DPY19L4: variants seen among roughly 807,000 people sequenced by gnomAD.
DPY19L4 encodes the protein probable C-mannosyltransferase DPY19L4.
In DPY19L4, 97 loss-of-function variants were observed where a neutral mutation model predicts 102.8. The observed-to-expected ratio is 0.94, with a 90% CI of 0.80 to 1.12. The LOEUF (loss-of-function observed/expected upper bound fraction) is 1.12. DPY19L4 is among the 50% of genes most tolerant of loss of function. The pLI, the probability that DPY19L4 is intolerant of heterozygous loss-of-function variation, is 0.00. For synonymous variants in DPY19L4, 252 were observed against 283.1 expected, an observed-to-expected ratio of 0.89 and a Z score of 1.10; for missense variants, 815 against 850.4, an observed-to-expected ratio of 0.96 and a Z score of 0.52.
intron 2 of DPY19L4, among the ~76,000 whole-genome samples, chr8:94,729,479 G>C (rs1210288749): frequency 6.7e-6 from 1 of 150,010 alleles, no homozygotes; most frequent in African/African-American, 2.5e-5. Context: ...TGCCCCTGTA[G>C]TCCCAGCTAC....
Position 94,791,033 on chromosome 8 carries a change from A to C in DPY19L4, c.*1123A>C, listed in dbSNP as rs2130957769. On this transcript the variant is annotated 3_prime_UTR_variant, in exon 19 of 19. Transcript: ENST00000414645. ...CATTTATTAAGAGAAAATTGTGAAA[A>C]GTTAATTTGGCCTTATAGAGAGATT... The C allele has an allele frequency of 6.6e-6, 1 of 152,256 alleles. No individual in the cohort carries two copies. The highest frequency in any genetic ancestry group is 1.9e-4 in the East Asian group (1 of 5,188). The allele number at this position is 152,256 out of a possible 1,614,324, so 9.4% of individuals were successfully genotyped here.
chr8:94,750,786 T>C (rs894982187), intron 6 of DPY19L4, among the ~76,000 whole-genome samples: 1 of 135,686 alleles, frequency 7.4e-6, no homozygotes, highest in East Asian at 2.0e-4. Flanking sequence ...CAAAATTTCC[T>C]TTTTTTTTTT....
At chr8:94,778,435 G>A (rs1813282407) in intron 14 of DPY19L4, among the ~76,000 whole-genome samples, 1 of 152,032 alleles carries the variant, frequency 6.6e-6, no homozygotes, top group Admixed American at 6.6e-5. Context: ...ATGTGCTTGG[G>A]ATACAAAGAT....
At chr8:94,734,144 C>T (rs1426578975) in intron 2 of DPY19L4, among the ~76,000 whole-genome samples, 2 of 150,774 alleles carry the variant, frequency 1.3e-5, no homozygotes, top group Non-Finnish European at 2.9e-5. Context: ...ACTGCAACCT[C>T]CACCTCCCTG....
At chr8:94,773,774 G>A (rs531095636) in intron 13 of DPY19L4, among the ~76,000 whole-genome samples, 19 of 149,576 alleles carry the variant, frequency 1.3e-4, no homozygotes, top group South Asian at 6.3e-4. Context: ...GGCGGCTTAC[G>A]CCTATAATCC....
At chr8:94,731,238 C>T (rs1425157360) in intron 2 of DPY19L4, among the ~76,000 whole-genome samples, 2 of 152,006 alleles carry the variant, frequency 1.3e-5, no homozygotes, top group African/African-American at 4.8e-5. Flanking sequence ...CAAACTGCCA[C>T]CCTAGATTAC....
chr8:94,728,055 G>A (rs1031395055), intron 2 of DPY19L4, among the ~76,000 whole-genome samples: 50 of 152,094 alleles, frequency 3.3e-4, no homozygotes, highest in African/African-American at 1.2e-3. Flanking sequence ...TCCATCTTCT[G>A]GGTTCAAGCA....
At chr8:94,781,622 C>T (rs1274231995) in intron 16 of DPY19L4, among the ~76,000 whole-genome samples, 1 of 152,138 alleles carries the variant, frequency 6.6e-6, no homozygotes, top group East Asian at 1.9e-4. Context: ...ACATGTGTAA[C>T]TCAGGGACCC....
chr8:94,732,671 G>A (rs1476106794), intron 2 of DPY19L4, among the ~76,000 whole-genome samples: 1 of 151,354 alleles, frequency 6.6e-6, no homozygotes, highest in Non-Finnish European at 1.5e-5. Flanking sequence ...ATTCTTCAAT[G>A]AATAAAAAAT....
At chr8:94,778,021 A>T (rs1450325505) in intron 14 of DPY19L4, among the ~76,000 whole-genome samples, 1 of 152,190 alleles carries the variant, frequency 6.6e-6, no homozygotes, top group Admixed American at 6.5e-5. Context: ...ACTTGAGGCC[A>T]GGAGTTCGAG....
chr8:94,722,374 T>C (rs561852932), intron 1 of DPY19L4, among the ~76,000 whole-genome samples: 1 of 152,252 alleles, frequency 6.6e-6, no homozygotes, highest in African/African-American at 2.4e-5. Context: ...CCCACTGCAC[T>C]CCAGCCTGGG....
rs114833919 is a variant in DPY19L4 at position 94,744,260 on chromosome 8, T to A, written c.611+4470T>A. The A allele has an allele frequency of 8.1e-3, 3,524 of 433,440 alleles. 65 individuals carry two copies. The highest frequency in any genetic ancestry group is 0.05 in the African/African-American group (2,447 of 49,192). 26.8% of individuals were successfully genotyped at this position (433,440 alleles called of 1,614,324 possible). On this transcript the variant is annotated intron_variant, in intron 6 of 18. Coordinates refer to ENST00000414645, the MANE Select transcript of DPY19L4 (RefSeq NM_181787.3). ...AAGCATCTGCTTCCAAGCTCACTCA[T>A]GTGGCCATTTCCCAGAGGCCCAGTA...
At chr8:94,768,233 G>A (rs559329932) in intron 11 of DPY19L4, among the ~76,000 whole-genome samples, 162 bp from the exon 12 acceptor site, 4 of 152,204 alleles carry the variant, frequency 2.6e-5, no homozygotes, top group South Asian at 4.1e-4. Context: ...TTACTAATAT[G>A]ATACTATTAT....
At chr8:94,789,130 AC>A (rs1813784590) in intron 18 of DPY19L4, among the ~76,000 whole-genome samples, 1 of 152,120 alleles carries the variant, frequency 6.6e-6, no homozygotes. Flanking sequence ...CTGCTCTGAT[AC>A]CCACTTTTCT....
chr8:94,746,616 G>A (rs1402397998), intron 6 of DPY19L4, among the ~76,000 whole-genome samples: 3 of 152,098 alleles, frequency 2.0e-5, no homozygotes, highest in Non-Finnish European at 4.4e-5. Context: ...TAAAACTTAA[G>A]TTATTCTCAT....
intron 3 of DPY19L4, among the ~76,000 whole-genome samples, chr8:94,736,029 G>A (rs1811174811): frequency 6.6e-6 from 1 of 152,132 alleles, no homozygotes; most frequent in African/African-American, 2.4e-5. Context: ...ATTTCTCACA[G>A]TTCTGGAGGC....
intron 7 of DPY19L4, among the ~76,000 whole-genome samples, chr8:94,760,052 G>C (rs1812335722): frequency 6.6e-6 from 1 of 152,184 alleles, no homozygotes; most frequent in Non-Finnish European, 1.5e-5. Flanking sequence ...AGCAAGGTCA[G>C]GGTAGGCAAG....
chr8:94,739,253 C>A (rs909849440), intron 4 of DPY19L4, among the ~76,000 whole-genome samples, 160 bp from the exon 5 acceptor site: 1 of 152,034 alleles, frequency 6.6e-6, no homozygotes, highest in Admixed American at 6.6e-5. Context: ...ATAGATATTT[C>A]TCTTTATTGT....
chr8:94,727,924 C>T (rs933332465), intron 2 of DPY19L4, among the ~76,000 whole-genome samples: 1 of 152,084 alleles, frequency 6.6e-6, no homozygotes, highest in Non-Finnish European at 1.5e-5. Flanking sequence ...GCCAAGAGAG[C>T]CTACCTTGCA....
Sources: gnomAD v4.1 joint callset for allele counts (sites outside exome capture counted in the v4.1 genomes callset) on GRCh38, gnomAD v4.1.1 for gene constraint, MANE v1.5 for transcripts, NCBI Gene and HGNC (gene_info 2026-07-23, HGNC 2026-07-21) for gene names.